Variants in AKR1B15 observed in about 807,000 individuals in gnomAD.
The protein encoded by AKR1B15 is aldo-keto reductase family 1 member B15, also known as estradiol 17-beta-dehydrogenase AKR1B15.
A neutral mutation model predicts 38.5 loss-of-function variants in AKR1B15; 49 were observed. The ratio of observed to expected loss-of-function variants is 1.27; its 90% confidence interval spans 1.01 to 1.62. The LOEUF is 1.62. Ranked by LOEUF, AKR1B15 falls within the 40% of genes most tolerant of loss-of-function variation. The pLI is 0.00. For missense variants in AKR1B15, 411 were observed against 381.6 expected (o/e 1.08, Z -0.64); for synonymous variants, 137 against 135.5 (o/e 1.01, Z -0.08).
intron 2 of AKR1B15, among the ~76,000 whole-genome samples, chr7:134,562,767 C>T (rs115815155): frequency 0.012 from 1,769 of 152,136 alleles, 36 homozygotes; most frequent in African/African-American, 0.039. Flanking sequence ...ACCATGTTGG[C>T]CAGGCTTCTT....
chr7:134,554,274 C>T (rs1275234218), intron 1 of AKR1B15, among the ~76,000 whole-genome samples: 1 of 152,128 alleles, frequency 6.6e-6, no homozygotes, highest in African/African-American at 2.4e-5. Flanking sequence ...CCTGGTCGTG[C>T]CTTTAACCCT....
intron 2 of AKR1B15, among the ~76,000 whole-genome samples, chr7:134,559,689 C>T (rs12673365): frequency 0.073 from 11,073 of 152,196 alleles, 659 homozygotes; most frequent in East Asian, 0.31. Flanking sequence ...TTCTTATGGA[C>T]ATATATTCAT....
intron 1 of AKR1B15, 35 bp from the exon 2 acceptor site, chr7:134,556,701 C>A (rs1794209351): frequency 6.6e-6 from 1 of 152,150 alleles, no homozygotes; most frequent in Non-Finnish European, 1.5e-5. Flanking sequence ...GCCAGAAGGA[C>A]AACTTCTCAT....
intron 2 of AKR1B15, among the ~76,000 whole-genome samples, chr7:134,564,260 A>G (rs1391392128): frequency 1.3e-5 from 2 of 152,198 alleles, no homozygotes; most frequent in Non-Finnish European, 2.9e-5. Context: ...AACAAAATCT[A>G]TCCTTACTCT....
chr7:134,574,414 C>G (rs1794721583), intron 6 of AKR1B15, among the ~76,000 whole-genome samples: 3 of 152,150 alleles, frequency 2.0e-5, no homozygotes, highest in African/African-American at 7.2e-5. Context: ...TATACTCTAC[C>G]TGAAAGGACT....
chr7:134,564,895 G>A (rs1341382795), intron 3 of AKR1B15, 126 bp downstream of exon 3: 2 of 522,542 alleles, frequency 3.8e-6, no homozygotes, highest in South Asian at 2.9e-5. Flanking sequence ...GAACTTTTCT[G>A]TCTAGCTAGA....
At chr7:134,569,789 C>G in intron 5 of AKR1B15, 1 of 384,746 alleles carries the variant, frequency 2.6e-6, no homozygotes, top group Non-Finnish European at 4.8e-6. Context: ...CTATGCCTGT[C>G]TTTACTTAAA....
intron 2 of AKR1B15, among the ~76,000 whole-genome samples, chr7:134,559,141 T>C (rs1480544485): frequency 6.6e-6 from 1 of 152,138 alleles, no homozygotes; most frequent in Non-Finnish European, 1.5e-5. Context: ...CAGAAGGTCA[T>C]CTTGTCATCA....
chr7:134,565,662 T>A (rs1486968658), intron 3 of AKR1B15: 27 of 1,514,128 alleles, frequency 1.8e-5, no homozygotes, highest in Non-Finnish European at 2.4e-5. Flanking sequence ...AGAGGTGAAT[T>A]TCAGTCCTGG....
At chr7:134,562,301 C>T (rs1353308690) in intron 2 of AKR1B15, among the ~76,000 whole-genome samples, 4 of 152,316 alleles carry the variant, frequency 2.6e-5, no homozygotes, top group South Asian at 2.1e-4. Context: ...AATGCTTCCA[C>T]ATCCTGTAAG....
chr7:134,556,890 G>A (rs902729796), intron 2 of AKR1B15, 31 bp downstream of exon 2: 2 of 152,180 alleles, frequency 1.3e-5, no homozygotes, highest in Non-Finnish European at 2.9e-5. Flanking sequence ...TCTCCAATCA[G>A]CCATAAATAT....
intron 2 of AKR1B15, among the ~76,000 whole-genome samples, chr7:134,558,269 C>T (rs892875267): frequency 2.6e-5 from 4 of 152,184 alleles, no homozygotes; most frequent in African/African-American, 9.7e-5. Context: ...AGCACTGAGA[C>T]CATTTCAAAG....
rs1009987161 is a variant in AKR1B15 at position 134,579,689 on chromosome 7, C to T, written c.*140C>T. 6 of 653,520 alleles carry T rather than the reference C, an allele frequency of 9.2e-6. No homozygotes were observed. In the Admixed American group the frequency reaches 2.1e-4, roughly 23 times the overall value. 40.5% of individuals were successfully genotyped at this position (653,520 alleles called of 1,614,324 possible). On this transcript the variant is annotated 3_prime_UTR_variant, in exon 12 of 12. Transcript: ENST00000457545. ...CCTGTTGTAGACCAGAATGGAGGTG[C>T]TGTTTTAGACATGTATTTCTGTATG...
At chr7:134,564,883 G>C in intron 3 of AKR1B15, 114 bp downstream of exon 3, 1 of 521,638 alleles carries the variant, frequency 1.9e-6, no homozygotes, top group Non-Finnish European at 3.4e-6. Flanking sequence ...TGGGGACTTG[G>C]AGAACTTTTC....
intron 2 of AKR1B15, among the ~76,000 whole-genome samples, chr7:134,563,719 C>T (rs1011076351): frequency 1.3e-5 from 2 of 152,156 alleles, no homozygotes; most frequent in Non-Finnish European, 2.9e-5. Flanking sequence ...TAAAAATGTA[C>T]CAATCTTTCA....
chr7:134,552,562 T>C (rs1562939438), intron 1 of AKR1B15, among the ~76,000 whole-genome samples: 1 of 152,110 alleles, frequency 6.6e-6, no homozygotes, highest in Non-Finnish European at 1.5e-5. Flanking sequence ...GCCTGGAATA[T>C]TCCATTTTTG....
intron 11 of AKR1B15, among the ~76,000 whole-genome samples, chr7:134,578,012 GA>G (rs761791478): frequency 1.3e-5 from 2 of 152,188 alleles, no homozygotes; most frequent in African/African-American, 2.4e-5. Flanking sequence ...AATTGTAAGA[GA>G]AGGTGTGTTA....
At chr7:134,566,864 C>A (rs1351688239) in intron 3 of AKR1B15, among the ~76,000 whole-genome samples, 1 of 152,124 alleles carries the variant, frequency 6.6e-6, no homozygotes, top group Admixed American at 6.5e-5. Context: ...GCTTGAATAG[C>A]AAGATTTGCC....
intron 3 of AKR1B15, 102 bp from the exon 4 acceptor site, chr7:134,568,056 T>C: frequency 1.4e-6 from 2 of 1,406,220 alleles, no homozygotes; most frequent in Non-Finnish European, 2.0e-6. Flanking sequence ...GTTGGGAGGA[T>C]TGTTTGAACC....
Sources: allele counts gnomAD v4.1 joint callset (sites outside exome capture counted in the v4.1 genomes callset), GRCh38; gene constraint gnomAD v4.1.1; transcripts MANE v1.5; gene names NCBI Gene and HGNC (gene_info 2026-07-23, HGNC 2026-07-21).